Variants in PTPRD observed in about 807,000 individuals in gnomAD.
The protein encoded by PTPRD is protein tyrosine phosphatase receptor type D, also known as receptor-type tyrosine-protein phosphatase delta.
A neutral mutation model predicts 214.5 loss-of-function variants in PTPRD; 34 were observed. The observed-to-expected ratio is 0.16, with a 90% CI of 0.12 to 0.21. The LOEUF (loss-of-function observed/expected upper bound fraction) is 0.21, where lower values mean the gene tolerates loss of function less well. Among genes scored for constraint, PTPRD ranks in the 10% least tolerant of loss-of-function variants. The pLI is 1.00. For synonymous variants in PTPRD, 1,128 were observed against 845.7 expected (o/e 1.33, Z -5.79); for missense variants, 2,545 against 2,398.7 (o/e 1.06, Z -1.27).
Position 9,639,418 on chromosome 9 carries a change from T to C in PTPRD, c.-286-64637A>G, listed in dbSNP as rs371472037. ...CCCTTTTAGCTTTGGATTATTCTTA[T>C]TATCCATGTGGCCAGTTGCTTCTGT... is the stretch of plus-strand genomic sequence containing the variant. On this transcript the variant is annotated intron_variant, in intron 7 of 45. Coordinates refer to ENST00000381196, the MANE Select transcript of PTPRD (RefSeq NM_002839.4). Among the ~76,000 whole-genome samples the C allele has an allele frequency of 3.3e-4, 51 of 152,308 alleles. 1 individual carries two copies. The South Asian group carries it at 9.3e-3, about 28-fold the overall frequency.
At chr9:8,804,150 G>A (rs953685518) in intron 11 of PTPRD, among the ~76,000 whole-genome samples, 18 of 152,004 alleles carry the variant, frequency 1.2e-4, no homozygotes, top group South Asian at 6.2e-4. Context: ...ACAGGGTTTC[G>A]CTATGTTGGT....
In PTPRD at chr9:10,220,761, G is replaced by T. The variant is rs116009101; in HGVS notation, c.-545+120202C>A. Reference sequence around the variant, plus strand: ...ATCATTCATAATATCTATTATATGTGTTTGTATATATGCACATGCTATTAT... The same window carrying T: ...ATCATTCATAATATCTATTATATGTTTTTGTATATATGCACATGCTATTAT... On this transcript the variant is annotated intron_variant, in intron 3 of 45. Transcript: ENST00000381196. 3.5e-3 allele frequency among the ~76,000 whole-genome samples: 531 copies of T among 151,658 alleles called. 2 individuals are homozygous for T. Among genetic ancestry groups the T allele is most frequent in the African/African-American group, 0.011 (442 of 41,412 alleles).
chr9:9,010,823 C>A (rs1468143512), intron 11 of PTPRD, among the ~76,000 whole-genome samples: 2 of 152,144 alleles, frequency 1.3e-5, no homozygotes, highest in African/African-American at 2.4e-5. Flanking sequence ...GATAAACATG[C>A]ACTGGATTGT....
chr9:8,543,795 C>T (rs2079108907), intron 14 of PTPRD, among the ~76,000 whole-genome samples: 1 of 152,024 alleles, frequency 6.6e-6, no homozygotes, highest in African/African-American at 2.4e-5. Flanking sequence ...TCACTGCAAC[C>T]TCTGCCTCCT....
chr9:10,106,013 C>T (rs1171161782), intron 3 of PTPRD, among the ~76,000 whole-genome samples: 1 of 56,670 alleles, frequency 1.8e-5, no homozygotes, highest in Non-Finnish European at 3.4e-5. Context: ...ATCACATATT[C>T]AAAAAAAAAA....
intron 10 of PTPRD, among the ~76,000 whole-genome samples, chr9:9,160,694 G>A (rs1289002823): frequency 1.3e-5 from 2 of 152,098 alleles, no homozygotes; most frequent in South Asian, 2.1e-4. Flanking sequence ...ACATTCAAAG[G>A]AATTAAAACA....
intron 7 of PTPRD, among the ~76,000 whole-genome samples, chr9:9,697,903 C>T (rs1486290258): frequency 6.6e-6 from 1 of 152,116 alleles, no homozygotes; most frequent in Non-Finnish European, 1.5e-5. Context: ...CTCACTGATT[C>T]TTTCCTCTAC....
chr9:9,894,248 C>G (rs2074296463), intron 5 of PTPRD, among the ~76,000 whole-genome samples: 1 of 151,974 alleles, frequency 6.6e-6, no homozygotes, highest in South Asian at 2.1e-4. Context: ...CAAATCTTTT[C>G]CCCACTCAGC....
At chr9:9,912,208 T>C (rs561029371) in intron 5 of PTPRD, among the ~76,000 whole-genome samples, 84 of 152,132 alleles carry the variant, frequency 5.5e-4, no homozygotes, top group African/African-American at 2.0e-3. Context: ...TAATTTAAAA[T>C]CAAAATAAAA....
At chr9:8,818,327 A>C (rs1487934833) in intron 11 of PTPRD, among the ~76,000 whole-genome samples, 1 of 152,184 alleles carries the variant, frequency 6.6e-6, no homozygotes, top group African/African-American at 2.4e-5. Context: ...CTACAGTTTT[A>C]GCGGATAGGC....
intron 8 of PTPRD, among the ~76,000 whole-genome samples, chr9:9,461,414 C>T (rs908064776): frequency 6.6e-6 from 1 of 151,740 alleles, no homozygotes; most frequent in Non-Finnish European, 1.5e-5. Flanking sequence ...AATTAATGTC[C>T]CCAAATCAGC....
At chr9:9,642,054 G>C (rs529625520) in intron 7 of PTPRD, among the ~76,000 whole-genome samples, 72 of 149,850 alleles carry the variant, frequency 4.8e-4, no homozygotes, top group African/African-American at 1.4e-3. Context: ...AGAAAATGTG[G>C]CACATATACA....
chr9:8,722,033 G>C (rs2098504850), intron 12 of PTPRD, among the ~76,000 whole-genome samples: 1 of 152,130 alleles, frequency 6.6e-6, no homozygotes, highest in South Asian at 2.1e-4. Context: ...ACTGTAAGCT[G>C]CTTCCTGAGT....
rs140988336 is a variant in PTPRD at position 9,030,415 on chromosome 9, G to A, written c.-142-11680C>T. Reference sequence around the variant, plus strand: ...GTTTACTGTAGCATTTAATACCTGCGTCCTCAATCAACACTTACCACAGAC... The same window carrying A: ...GTTTACTGTAGCATTTAATACCTGCATCCTCAATCAACACTTACCACAGAC... On this transcript the variant is annotated intron_variant, in intron 10 of 45. Transcript: ENST00000381196. 2.2e-3 allele frequency among the ~76,000 whole-genome samples: 325 copies of A among 149,090 alleles called. 3 individuals carry two copies. The highest frequency in any genetic ancestry group is 7.6e-3 in the African/African-American group (308 of 40,558).
intron 2 of PTPRD, among the ~76,000 whole-genome samples, chr9:10,606,331 CT>C (rs1379372169): frequency 6.6e-6 from 1 of 151,838 alleles, no homozygotes; most frequent in East Asian, 1.9e-4. Context: ...TTCTACCATT[CT>C]CTACCCCCTC....
intron 5 of PTPRD, among the ~76,000 whole-genome samples, chr9:9,915,911 GCGCAT>G (rs1175195202): frequency 6.6e-6 from 1 of 151,922 alleles, no homozygotes; most frequent in African/African-American, 2.4e-5. Context: ...CTACTCCAAG[GCGCAT>G]TATAGTCAAG....
At chr9:8,696,052 TA>T (rs1255018850) in intron 12 of PTPRD, among the ~76,000 whole-genome samples, 1 of 151,986 alleles carries the variant, frequency 6.6e-6, no homozygotes, top group Non-Finnish European at 1.5e-5. Context: ...CATAAGAGAG[TA>T]AAAGCACAAC....
intron 11 of PTPRD, among the ~76,000 whole-genome samples, chr9:9,004,955 T>C (rs551328445): frequency 6.6e-6 from 1 of 152,212 alleles, no homozygotes; most frequent in African/African-American, 2.4e-5. Context: ...TAATTTTCAG[T>C]GTCATTTGCA....
intron 4 of PTPRD, among the ~76,000 whole-genome samples, chr9:9,959,155 A>G (rs1360042613): frequency 6.6e-6 from 1 of 152,220 alleles, no homozygotes; most frequent in African/African-American, 2.4e-5. Flanking sequence ...ATAATAAAAT[A>G]TTATTCAGCA....
Sources: allele counts gnomAD v4.1 joint callset (sites outside exome capture counted in the v4.1 genomes callset), GRCh38; gene constraint gnomAD v4.1.1; transcripts MANE v1.5; gene names NCBI Gene and HGNC (gene_info 2026-07-23, HGNC 2026-07-21).